The following EP400 variants were observed in gnomAD, a reference collection of about 807,000 sequenced individuals.
The protein encoded by EP400 is E1A binding protein p400.
Under a neutral mutation model 354.1 loss-of-function variants are expected in EP400, and 105 were observed. The ratio of observed to expected loss-of-function variants is 0.30; its 90% CI spans 0.25 to 0.35. The LOEUF is 0.35. Ranked by LOEUF, EP400 falls within the 10% of genes least tolerant of loss-of-function variation. The pLI, the probability that EP400 is intolerant of heterozygous loss-of-function variation, is 1.00. For synonymous variants in EP400, 1,646 were observed against 1,716.9 expected (o/e 0.96, Z 1.02); for missense variants, 3,280 against 4,121.0 (o/e 0.80, Z 5.59).
Position 132,017,606 on chromosome 12 carries a change from G to A in EP400, c.3995G>A (p.Cys1332Tyr). The A allele has an allele frequency of 6.2e-7, 1 of 1,613,698 alleles. No individual in the cohort carries two copies. The highest frequency in any genetic ancestry group is 8.5e-7 in the Non-Finnish European group (1 of 1,179,784). Residue 1332 changes from cysteine to tyrosine, a missense_variant, in exon 20 of 53, where the codon TGC becomes TAC. Cys to Tyr is a radical substitution (Grantham distance 194). Transcript: ENST00000389561. This position sits in a 1 kb window ranked among gnomAD's most constrained non-coding sequence, Gnocchi z 5.0. ...LSILVRLQRI[C>Y]NHPGLVEPRH... is the part of the protein sequence containing the mutation. Reference sequence around the variant, plus strand: ...ATCCTTGTGCGGCTGCAGCGCATCTGCAACCACCCTGGGCTCGTCGAGCCC... The same window carrying A: ...ATCCTTGTGCGGCTGCAGCGCATCTACAACCACCCTGGGCTCGTCGAGCCC...
chr12:132,063,473 C>T (rs1412001656), intron 47 of EP400, among the ~76,000 whole-genome samples: 1 of 152,114 alleles, frequency 6.6e-6, no homozygotes, highest in Non-Finnish European at 1.5e-5. Context: ...TGCACTCCAG[C>T]CTGGGCAACA....
At chr12:132,019,947 TG>T (rs1894070588) in intron 21 of EP400, 101 bp from the exon 22 acceptor site, 2 of 1,273,846 alleles carry the variant, frequency 1.6e-6, no homozygotes, top group Non-Finnish European at 2.1e-6. Flanking sequence ...GTCCCTGAGC[TG>T]GCTTCCTATG....
At chr12:131,993,418 G>A (rs959671824) in intron 11 of EP400, among the ~76,000 whole-genome samples, 1 of 152,162 alleles carries the variant, frequency 6.6e-6, no homozygotes, top group Non-Finnish European at 1.5e-5. Flanking sequence ...AGTACAGTAG[G>A]TTTGTGTCTT....
chr12:132,065,186 G>C (rs1895850057), intron 48 of EP400: 1 of 507,526 alleles, frequency 2.0e-6, no homozygotes, highest in African/African-American at 1.9e-5. Flanking sequence ...GCTGCTGAGG[G>C]ACCCTGCAGG....
At chr12:132,051,512 G>T (rs7962912) in intron 41 of EP400, among the ~76,000 whole-genome samples, 42,070 of 152,092 alleles carry the variant, frequency 0.28, 9,761 homozygotes, top group African/African-American at 0.64. Flanking sequence ...GGATCACATG[G>T]CCACTGGACA....
chr12:132,055,830 C>T (rs778500595), intron 45 of EP400, among the ~76,000 whole-genome samples: 21 of 151,620 alleles, frequency 1.4e-4, no homozygotes, highest in Non-Finnish European at 2.2e-4. Flanking sequence ...TGTGAGGGTC[C>T]GCTGCTGATT....
chr12:131,996,453 G>A (rs1028980397), intron 12 of EP400, among the ~76,000 whole-genome samples: 1 of 151,746 alleles, frequency 6.6e-6, no homozygotes, highest in Admixed American at 6.6e-5. Flanking sequence ...CACCACGCCC[G>A]GCTAATTTTT....
At position 132,067,185 on chromosome 12, in the gene EP400, T is replaced by C. The variant is rs929698555; in HGVS notation, c.8750-177T>C. 3.4e-6 allele frequency: 4 copies of C among 1,179,724 alleles called. No individual in the cohort carries two copies. In the African/African-American group the frequency reaches 6.2e-5, roughly 18 times the overall value. The allele number at this position is 1,179,724 out of a possible 1,614,324, so 73.1% of individuals were successfully genotyped here. A position where few individuals can be genotyped will look rare whatever the true frequency, so the allele number is the denominator to read the frequency against. ...ACATTCTGAAATTTCCGTCTTAATT[T>C]AAGTGTAATTTGTGAACCCAGAAAC... On this transcript the variant is annotated intron_variant, in intron 49 of 52. Coordinates refer to ENST00000389561, the MANE Select transcript of EP400 (RefSeq NM_015409.5). This position sits in a 1 kb window ranked among gnomAD's most constrained non-coding sequence, Gnocchi z 5.3.
intron 2 of EP400, among the ~76,000 whole-genome samples, chr12:131,977,686 C>G (rs1892531585): frequency 6.6e-6 from 1 of 152,138 alleles, no homozygotes; most frequent in Admixed American, 6.6e-5. Context: ...TTTCTTTCCT[C>G]CCTCTCTTTG....
At position 131,986,635 on chromosome 12, in the gene EP400, G is replaced by T. The variant is rs143987757; in HGVS notation, c.2051G>T (p.Arg684Leu). ...SGSGPGPSPA[R>L]SSPVNRPSSA... ...TCCGGCCCAGGACCCTCCCCTGCTC[G>T]ATCCTCTCCAGTAAATAGACCTTCC... Residue 684 changes from arginine (R) to leucine (L), a missense_variant, in exon 6 of 53, where the codon CGA becomes CTA. Coordinates refer to ENST00000389561, the MANE Select transcript of EP400 (RefSeq NM_015409.5). 6.2e-7 allele frequency: 1 copy of T among 1,613,898 alleles called. No homozygotes were observed. The highest frequency in any genetic ancestry group is 8.5e-7 in the Non-Finnish European group (1 of 1,179,988).
In EP400 at chr12:132,038,012, C is replaced by T. The variant is rs745371998; in HGVS notation, c.6123C>T (p.Val2041=). ...CCATGGATGATGCTGGCTTCCCGGT[C>T]AAAGCTGAGGAGTTTGTGGTGCTTT... The part of the protein sequence containing the change: ...YSPMDDAGFP[V]KAEEFVVLSQ... Residue 2041 remains valine, a synonymous_variant, in exon 32 of 53, where the codon GTC becomes GTT. Transcript: ENST00000389561. The surrounding 1 kb of genome is among the most constrained non-coding windows in gnomAD (Gnocchi z 4.2). 2 of 1,614,098 alleles carry T rather than the reference C, an allele frequency of 1.2e-6. No individual in the cohort carries two copies. Among genetic ancestry groups the T allele is most frequent in the African/African-American group, 2.7e-5 (2 of 74,936 alleles).
intron 12 of EP400, among the ~76,000 whole-genome samples, chr12:131,997,416 C>T (rs1893252228): frequency 6.6e-6 from 1 of 151,874 alleles, no homozygotes; most frequent in Admixed American, 6.6e-5. Flanking sequence ...CTATAGTGCG[C>T]GCTACCACGC....
chr12:132,040,537 C>G (rs189189902), intron 32 of EP400, among the ~76,000 whole-genome samples: 1 of 152,226 alleles, frequency 6.6e-6, no homozygotes, highest in South Asian at 2.1e-4. Flanking sequence ...TTTCAACACA[C>G]AGATTCTTTT....
At chr12:132,023,390 A>G (rs1349607899) in intron 23 of EP400, among the ~76,000 whole-genome samples, 1 of 137,910 alleles carries the variant, frequency 7.3e-6, no homozygotes, top group African/African-American at 2.8e-5. Flanking sequence ...TCCTGACCTC[A>G]TGTGATCCAC....
Position 132,049,766 on chromosome 12 carries a change from A to G in EP400, c.7201-557A>G, listed in dbSNP as rs377261716. Reference sequence around the variant, plus strand: ...TGCTTTAAAATTCTGCAGGATTCTAAGATGTCTTGGGAGCACATAGCCCAC... The same window carrying G: ...TGCTTTAAAATTCTGCAGGATTCTAGGATGTCTTGGGAGCACATAGCCCAC... On this transcript the variant is annotated intron_variant, in intron 39 of 52. Coordinates refer to ENST00000389561, the MANE Select transcript of EP400 (RefSeq NM_015409.5). Among the ~76,000 whole-genome samples the G allele has an allele frequency of 2.7e-4, 41 of 152,322 alleles. No homozygotes were observed. The East Asian group carries it at 4.6e-3, about 17-fold the overall frequency.
intron 30 of EP400, among the ~76,000 whole-genome samples, chr12:132,033,196 C>T (rs976168621): frequency 5.3e-5 from 8 of 152,138 alleles, no homozygotes; most frequent in African/African-American, 1.7e-4. Context: ...TGATCGCCCG[C>T]CTTGGCCTCC....
Position 132,024,825 on chromosome 12 carries a change from C to T in EP400, c.4856-821C>T, listed in dbSNP as rs548974272. ...CCCCGCCACCCCCCCACAGCAGCCC[C>T]GGTGGCACCTTCCCCCACCTTCCCT... On this transcript the variant is annotated intron_variant, in intron 24 of 52. Coordinates refer to ENST00000389561, the MANE Select transcript of EP400 (RefSeq NM_015409.5). Among the ~76,000 whole-genome samples, 113 of 151,606 alleles carry T rather than the reference C, an allele frequency of 7.5e-4. 1 individual carries two copies. The highest frequency in any genetic ancestry group is 7.3e-3 in the Admixed American group (111 of 15,234).
At chr12:131,967,384 AAAAT>A (rs889699314) in intron 2 of EP400, among the ~76,000 whole-genome samples, 16 of 150,228 alleles carry the variant, frequency 1.1e-4, no homozygotes, top group African/African-American at 1.2e-4. Context: ...CTGACTCAAA[AAAAT>A]AAATAAATAA....
At chr12:131,958,552 G>A (rs1274314324) in intron 1 of EP400, among the ~76,000 whole-genome samples, 2 of 152,154 alleles carry the variant, frequency 1.3e-5, no homozygotes, top group African/African-American at 2.4e-5. Flanking sequence ...AGCCTTATAC[G>A]TTTTGTAACT....
Sources: gnomAD v4.1 joint callset for allele counts (sites outside exome capture counted in the v4.1 genomes callset) on GRCh38, gnomAD v4.1.1 for gene constraint, Gnocchi (gnomAD v3.1) non-coding constraint, MANE v1.5 for transcripts, NCBI Gene and HGNC (gene_info 2026-07-23, HGNC 2026-07-21) for gene names.